Variants in PHGDH observed in about 807,000 individuals in gnomAD.
PHGDH encodes phosphoglycerate dehydrogenase, also known as D-3-phosphoglycerate dehydrogenase.
Under a neutral mutation model 52.6 loss-of-function variants are expected in PHGDH, and 50 were observed. The ratio of observed to expected loss-of-function variants is 0.95; its 90% CI spans 0.76 to 1.20. The LOEUF is 1.20. Among genes scored for constraint, PHGDH ranks in the 50% most tolerant of loss-of-function variants. The probability of loss-of-function intolerance (pLI) is 0.00; values close to 1 mark genes in which losing one functional copy is unlikely to be tolerated. For missense variants in PHGDH, 630 were observed against 684.6 expected (o/e 0.92, Z 0.89); for synonymous variants, 271 against 280.5 (o/e 0.97, Z 0.34).
chr1:119,721,112 C>A, intron 1 of PHGDH, 58 bp from the exon 2 acceptor site: 3 of 1,531,350 alleles, frequency 2.0e-6, no homozygotes, highest in South Asian at 1.1e-5. Context: ...GATGTGCCTG[C>A]GGCTTTACGA....
chr1:119,737,091 T>C, intron 7 of PHGDH, 23 bp from the exon 8 acceptor site: 1 of 1,613,428 alleles, frequency 6.2e-7, no homozygotes. Context: ...GCAGCCAACT[T>C]AGAGGTATCT....
In PHGDH at chr1:119,737,236, C is replaced by T; in HGVS notation, c.915C>T (p.Asp305=). ...AGGAAATTGCTGTTCAGTTCGTGGA[C>T]ATGGTGAAGGGGAAATCTCTCACGG... ...CGEEIAVQFV[D]MVKGKSLTGV... Residue 305 remains aspartate (D), a synonymous_variant, in exon 8 of 12, where the codon GAC becomes GAT. Transcript: ENST00000641023. 2 of 1,614,120 alleles carry T rather than the reference C, an allele frequency of 1.2e-6. No homozygotes were observed. The highest frequency in any genetic ancestry group is 1.7e-6 in the Non-Finnish European group (2 of 1,179,980).
Position 119,744,070 on chromosome 1 carries a change from G to A in PHGDH, c.*30G>A. On this transcript the variant is annotated 3_prime_UTR_variant, in exon 12 of 12. Coordinates refer to ENST00000641023, the MANE Select transcript of PHGDH (RefSeq NM_006623.4). ...GGAGCTCACTGGTCCCTGCCTCTGG[G>A]GCTTTTCTGAAGAAACCCACCCACT... 6.2e-7 allele frequency: 1 copy of A among 1,611,344 alleles called. No individual in the cohort carries two copies. Among genetic ancestry groups the A allele is most frequent in the Non-Finnish European group, 8.5e-7 (1 of 1,177,512 alleles).
At chr1:119,724,495 A>G (rs663807) in intron 3 of PHGDH, 91,941 of 331,950 alleles carry the variant, frequency 0.28, 14,172 homozygotes, top group East Asian at 0.59. Flanking sequence ...CAGTGGGGGG[A>G]AAGGAGAAAC....
intron 7 of PHGDH, 86 bp from the exon 8 acceptor site, chr1:119,737,028 C>T (rs1651968081): frequency 3.7e-6 from 5 of 1,354,154 alleles, no homozygotes; most frequent in Non-Finnish European, 5.3e-6. Flanking sequence ...GACTGCCTTC[C>T]CTCCAACTTT....
At chr1:119,723,271 A>G in intron 2 of PHGDH, 105 bp from the exon 3 acceptor site, 1 of 899,620 alleles carries the variant, frequency 1.1e-6, no homozygotes, top group South Asian at 1.3e-5. Flanking sequence ...CAGTTCATGG[A>G]GCAGGAGTGA....
At chr1:119,741,974 C>T (rs1652230769) in intron 10 of PHGDH, 77 bp downstream of exon 10, 1 of 1,311,732 alleles carries the variant, frequency 7.6e-7, no homozygotes, top group South Asian at 1.2e-5. Context: ...AGAGCCCGTT[C>T]TCTGAGCGGA....
At chr1:119,728,220 A>C (rs1209557851) in intron 5 of PHGDH, among the ~76,000 whole-genome samples, 1 of 152,194 alleles carries the variant, frequency 6.6e-6, no homozygotes, top group African/African-American at 2.4e-5. Flanking sequence ...AGGATCACCA[A>C]GGTTGCTGCA....
chr1:119,726,637 G>A (rs587632615), intron 3 of PHGDH: 1 of 611,380 alleles, frequency 1.6e-6, no homozygotes, highest in Non-Finnish European at 2.9e-6. Context: ...GCTGGTCACA[G>A]AAATCCCAGG....
rs1469592561 is a variant in PHGDH at position 119,711,950 on chromosome 1, G to A, written c.-73G>A. ...GAATACTGCCCAGTTACTCTAGCGC[G>A]CCAGGCCGAACCGCAGCTTCTTGGC... On this transcript the variant is annotated 5_prime_UTR_variant, in exon 1 of 12. Transcript: ENST00000641023. 1.4e-5 allele frequency: 22 copies of A among 1,535,190 alleles called. No homozygotes were observed. The highest frequency in any genetic ancestry group is 1.9e-5 in the Non-Finnish European group (21 of 1,110,538).
At chr1:119,735,535 C>G in intron 7 of PHGDH, 92 bp downstream of exon 7, 1 of 1,273,862 alleles carries the variant, frequency 7.9e-7, no homozygotes, top group Non-Finnish European at 1.1e-6. Flanking sequence ...TTACAGAAAG[C>G]CTCTAGCTTA....
intron 8 of PHGDH, among the ~76,000 whole-genome samples, chr1:119,738,722 A>T (rs1289516118): frequency 1.4e-5 from 2 of 146,960 alleles, no homozygotes; most frequent in South Asian, 4.4e-4. Flanking sequence ...TAGCAGTGAC[A>T]TTCCAGAGCT....
At chr1:119,737,295 C>G in intron 8 of PHGDH, 29 bp downstream of exon 8, 1 of 1,599,326 alleles carries the variant, frequency 6.3e-7, no homozygotes, top group Non-Finnish European at 8.6e-7. Flanking sequence ...GGCTGGGGGC[C>G]AGGAGTCAGA....
At position 119,737,259 on chromosome 1, in the gene PHGDH, C is replaced by A. The variant is rs757082646; in HGVS notation, c.938C>A (p.Thr313Lys). 1 of 1,613,206 alleles carries A rather than the reference C, an allele frequency of 6.2e-7. No homozygotes were observed. The highest frequency in any genetic ancestry group is 1.3e-5 in the African/African-American group (1 of 74,892). ...FVDMVKGKSL[T>K]GVVNAQALTS... is the part of the protein sequence containing the mutation. ...GACATGGTGAAGGGGAAATCTCTCA[C>A]GGGGGTTGTAAGTATCACCACCTGG... The change falls in exon 8 of 12, where the codon ACG (threonine) becomes AAG (lysine). Residue 313 changes from threonine (T) to lysine (K), a missense_variant. Physicochemically the swap from Thr to Lys is moderately conservative, Grantham distance 78 (BLOSUM62 -1). Transcript: ENST00000641023.
intron 10 of PHGDH, 101 bp downstream of exon 10, chr1:119,741,998 G>C (rs1454863386): frequency 5.0e-6 from 5 of 1,000,276 alleles, no homozygotes; most frequent in African/African-American, 1.6e-5. Context: ...CTAGGTCCCA[G>C]CCTTGCATCG....
At chr1:119,735,002 T>C (rs1472342943) in intron 6 of PHGDH, 2 of 623,632 alleles carry the variant, frequency 3.2e-6, no homozygotes, top group East Asian at 2.7e-5. Context: ...GTGACCCCCA[T>C]GGATGCTTTC....
intron 7 of PHGDH, among the ~76,000 whole-genome samples, chr1:119,736,821 A>G (rs1651959462): frequency 6.6e-6 from 1 of 152,236 alleles, no homozygotes; most frequent in African/African-American, 2.4e-5. Flanking sequence ...AACCCATTTC[A>G]CAGATAAAGA....
At chr1:119,727,334 G>A in intron 5 of PHGDH, 1 of 564,066 alleles carries the variant, frequency 1.8e-6, no homozygotes, top group Non-Finnish European at 3.2e-6. Flanking sequence ...TGAGTGAATA[G>A]CCCTGAGTCC....
intron 5 of PHGDH, chr1:119,730,000 C>T (rs1651623356): frequency 6.6e-6 from 1 of 152,192 alleles, no homozygotes; most frequent in Non-Finnish European, 1.5e-5. Context: ...CACCTCAGCC[C>T]CTCCGGAGCT....
Sources: gnomAD v4.1 joint callset for allele counts (sites outside exome capture counted in the v4.1 genomes callset) on GRCh38, gnomAD v4.1.1 for gene constraint, MANE v1.5 for transcripts, NCBI Gene and HGNC (gene_info 2026-07-23, HGNC 2026-07-21) for gene names.